LRRC56: variants seen among roughly 807,000 people sequenced by gnomAD.
The protein encoded by LRRC56 is leucine rich repeat containing 56, also known as leucine-rich repeat-containing protein 56.
In LRRC56, 41 loss-of-function variants were observed where a neutral mutation model predicts 47.8. That is an observed-to-expected ratio of 0.86 (90% CI 0.67 to 1.11). LRRC56 has a LOEUF of 1.11. Among genes scored for constraint, LRRC56 ranks in the 50% most tolerant of loss-of-function variants. The pLI is 0.00. For missense variants in LRRC56, 759 were observed against 704.2 expected (o/e 1.08, Z -0.88); for synonymous variants, 387 against 311.2 (o/e 1.24, Z -2.56).
At chr11:533,900 C>A (rs1060504681), upstream of LRRC56, 5 of 1,613,102 alleles carry the variant, frequency 3.1e-6, no homozygotes, top group Non-Finnish European at 4.2e-6. Context: ...GGATGTCCAA[C>A]AGGCACGTCT....
At chr11:539,384 C>T (rs1214466758) in intron 2 of LRRC56, among the ~76,000 whole-genome samples, 196 bp from the exon 3 acceptor site, 4 of 92,424 alleles carry the variant, frequency 4.3e-5, no homozygotes, top group South Asian at 3.5e-4. Flanking sequence ...CGCACCCAGC[C>T]TTTTTTTTTT....
intron 5 of LRRC56, among the ~76,000 whole-genome samples, chr11:542,639 T>A (rs762734496): frequency 8.5e-5 from 12 of 141,456 alleles, no homozygotes; most frequent in Non-Finnish European, 1.8e-4. Flanking sequence ...GTTCCTTCTC[T>A]TTCGCCGTGT....
At chr11:534,158 T>C (rs1851308994), upstream of LRRC56, 1 of 1,424,950 alleles carries the variant, frequency 7.0e-7, no homozygotes, top group Non-Finnish European at 9.9e-7. Context: ...CCTGGCTGTG[T>C]CCTGGGCTCG....
chr11:540,318 C>T (rs1851729415), intron 3 of LRRC56, among the ~76,000 whole-genome samples: 2 of 152,174 alleles, frequency 1.3e-5, no homozygotes, highest in Admixed American at 1.3e-4. Context: ...CGGCAGCTGG[C>T]CCGGCACCCC....
At chr11:516,497 C>T in the LRRC56 span, among the ~76,000 whole-genome samples, 4 of 152,224 alleles carry the variant, frequency 2.6e-5, no homozygotes, top group South Asian at 2.1e-4. Flanking sequence ...AGCATTGCCA[C>T]ACACTGAAAC....
the LRRC56 span, chr11:532,271 C>A: frequency 2.3e-6 from 1 of 443,392 alleles, no homozygotes; most frequent in South Asian, 2.5e-5. Flanking sequence ...TACTGTGATC[C>A]CATCTGTGCC....
At chr11:537,288 G>A (rs1295844661), upstream of LRRC56, 2 of 152,216 alleles carry the variant, frequency 1.3e-5, no homozygotes, top group South Asian at 2.1e-4. Flanking sequence ...ACGCGCCTGC[G>A]CCCACCCAAC....
upstream of LRRC56, chr11:534,333 G>T: frequency 6.2e-7 from 1 of 1,607,758 alleles, no homozygotes; most frequent in South Asian, 1.1e-5. Flanking sequence ...CGCTCCTCAG[G>T]GGCCTGCGGC....
chr11:527,957 C>T, the LRRC56 span, among the ~76,000 whole-genome samples: 1 of 152,104 alleles, frequency 6.6e-6, no homozygotes, highest in Non-Finnish European at 1.5e-5. Context: ...CCGCCTCGGC[C>T]TCCCAAGGGC....
At chr11:523,764 G>A in the LRRC56 span, among the ~76,000 whole-genome samples, 4 of 151,096 alleles carry the variant, frequency 2.6e-5, no homozygotes, top group Non-Finnish European at 5.9e-5. Flanking sequence ...AATCCTGTCC[G>A]TAAAAATACA....
rs1447892390 is a variant in LRRC56 at position 550,087 on chromosome 11, T to A, written c.439T>A (p.Tyr147Asn). 2 of 1,612,650 alleles carry A rather than the reference T, an allele frequency of 1.2e-6. No homozygotes were observed. The highest frequency in any genetic ancestry group is 4.5e-5 in the East Asian group (2 of 44,856). The change falls in exon 8 of 14, where the codon TAC becomes AAC. Residue 147 changes from tyrosine to asparagine, a missense_variant. By Grantham distance (143) the Tyr-to-Asn change is moderately radical. Transcript: ENST00000270115. Reference sequence around the variant, plus strand: ...CGCTGCCCAGGAACTCTACGCCTCCTACAACAACATCTCGGACCTGAGCCC... The same window carrying A: ...CGCTGCCCAGGAACTCTACGCCTCCAACAACAACATCTCGGACCTGAGCCC... ...LPALKELYAS[Y>N]NNISDLSPLC...
upstream of LRRC56, chr11:534,192 G>A (rs2133993882): frequency 6.3e-7 from 1 of 1,580,586 alleles, no homozygotes; most frequent in Non-Finnish European, 8.7e-7. Flanking sequence ...CTGGCACCTG[G>A]ACGGCGGCGC....
chr11:521,638 G>A, the LRRC56 span, among the ~76,000 whole-genome samples: 14 of 152,288 alleles, frequency 9.2e-5, no homozygotes, highest in Non-Finnish European at 1.6e-4. Flanking sequence ...ATTACAGCCC[G>A]GTGAGGTGGC....
upstream of LRRC56, chr11:533,948 CAGG>C (rs1347169680): frequency 3.1e-6 from 5 of 1,609,740 alleles, no homozygotes; most frequent in East Asian, 2.2e-5. Context: ...AGGAATCCTG[CAGG>C]AGGACAGGGC....
chr11:533,379 A>G, upstream of LRRC56: 1 of 1,435,602 alleles, frequency 7.0e-7, no homozygotes, highest in Non-Finnish European at 9.7e-7. Flanking sequence ...GGAGAGGGTC[A>G]GTGAGTGCTG....
intron 3 of LRRC56, 55 bp from the exon 4 acceptor site, chr11:540,619 C>A: frequency 6.6e-7 from 1 of 1,505,606 alleles, no homozygotes. Flanking sequence ...CTCAGCCGGG[C>A]TGCAGAGGAG....
chr11:512,486 C>T, the LRRC56 span, among the ~76,000 whole-genome samples: 16 of 152,162 alleles, frequency 1.1e-4, no homozygotes, highest in African/African-American at 3.9e-4. Context: ...CTGCCTGCCT[C>T]GGCTTCCCAA....
Position 554,776 on chromosome 11 carries a change from G to C in LRRC56, c.*500G>C. 1 of 511,712 alleles carries C rather than the reference G, an allele frequency of 2.0e-6. No homozygotes were observed. The highest frequency in any genetic ancestry group is 3.6e-5 in the East Asian group (1 of 27,616). 31.7% of individuals were successfully genotyped at this position (511,712 alleles called of 1,614,324 possible). The stretch of plus-strand genomic sequence containing the variant: ...TCTCCGGGGGATCTGTAGGGTTCCC[G>C]CACTGCGATAGGGCGGCCCGTTCCC... On this transcript the variant is annotated 3_prime_UTR_variant, in exon 14 of 14. Transcript: ENST00000270115.
chr11:532,658 C>T, upstream of LRRC56: 6 of 1,612,638 alleles, frequency 3.7e-6, no homozygotes, highest in Non-Finnish European at 5.1e-6. Context: ...ACACTTGCAG[C>T]TCATGCAGCC....
Sources: allele counts gnomAD v4.1 joint callset (sites outside exome capture counted in the v4.1 genomes callset), GRCh38; gene constraint gnomAD v4.1.1; transcripts MANE v1.5; gene names NCBI Gene and HGNC (gene_info 2026-07-23, HGNC 2026-07-21).